STXBP5L: variants seen among roughly 807,000 people sequenced by gnomAD.
The protein encoded by STXBP5L is syntaxin binding protein 5L.
Under a neutral mutation model 144.5 loss-of-function variants are expected in STXBP5L, and 65 were observed. That is an observed-to-expected ratio of 0.45 (90% CI 0.37 to 0.55). STXBP5L has a LOEUF of 0.55. Among genes scored for constraint, STXBP5L ranks in the 20% least tolerant of loss-of-function variants. The probability of loss-of-function intolerance (pLI) is 0.00; values close to 1 mark genes in which losing one functional copy is unlikely to be tolerated. For synonymous variants in STXBP5L, 505 were observed against 469.6 expected (o/e 1.08, Z -0.97); for missense variants, 1,298 against 1,405.5 (o/e 0.92, Z 1.22).
intron 9 of STXBP5L, among the ~76,000 whole-genome samples, chr3:121,192,061 A>G (rs985286415): frequency 1.3e-5 from 2 of 152,196 alleles, no homozygotes; most frequent in African/African-American, 2.4e-5. Flanking sequence ...AAACCTGCAC[A>G]TTGTGCACAT....
At chr3:121,078,650 A>AGCTGCAGGTTCTGAGCCCTGCCCC (rs1234486933) in intron 5 of STXBP5L, among the ~76,000 whole-genome samples, 22 of 152,218 alleles carry the variant, frequency 1.4e-4, no homozygotes, top group African/African-American at 4.1e-4. Context: ...AGGCATGGCC[A>AGCTGCAGGTTCTGAGCCCTGCCCC]GCTGCAGGTT....
chr3:120,969,045 G>A (rs1576518880), intron 3 of STXBP5L, among the ~76,000 whole-genome samples: 1 of 151,978 alleles, frequency 6.6e-6, no homozygotes, highest in South Asian at 2.1e-4. Flanking sequence ...ATTTTCCTTT[G>A]GGTAGATACT....
chr3:121,302,708 AC>A (rs776804283), intron 19 of STXBP5L, among the ~76,000 whole-genome samples: 3 of 152,110 alleles, frequency 2.0e-5, no homozygotes, highest in Non-Finnish European at 4.4e-5. Context: ...ACAGAACAGA[AC>A]CCTCAAAAAT....
At chr3:121,011,383 T>G (rs901132120) in intron 3 of STXBP5L, among the ~76,000 whole-genome samples, 3 of 151,624 alleles carry the variant, frequency 2.0e-5, no homozygotes, top group East Asian at 1.9e-4. Flanking sequence ...CTGCAACCCT[T>G]TATTTTTATA....
chr3:120,966,091 G>C (rs1312517081), intron 3 of STXBP5L, among the ~76,000 whole-genome samples: 4 of 152,068 alleles, frequency 2.6e-5, no homozygotes, highest in African/African-American at 9.7e-5. Flanking sequence ...GCTTGTGCAT[G>C]CGTCACAAAG....
chr3:121,141,296 G>A lies in STXBP5L; in HGVS notation c.670-11181G>A, dbSNP rs538518727. ...CACATGCCTGTAATCCCAGCGATTC[G>A]GGAGGCTGAGGCAGGAGAATCACTT... is the stretch of plus-strand genomic sequence containing the variant. On this transcript the variant is annotated intron_variant, in intron 7 of 26. Transcript: ENST00000471454. Among the ~76,000 whole-genome samples the A allele has an allele frequency of 5.9e-5, 9 of 152,138 alleles. No homozygotes were observed. The South Asian group carries it at 6.2e-4, about 11-fold the overall frequency.
intron 10 of STXBP5L, among the ~76,000 whole-genome samples, chr3:121,214,282 T>C (rs1447178266): frequency 6.6e-6 from 1 of 152,210 alleles, no homozygotes; most frequent in African/African-American, 2.4e-5. Flanking sequence ...CTTCTCTAGT[T>C]CTTTTAACTG....
chr3:121,384,780 A>G (rs1175003209), intron 22 of STXBP5L, among the ~76,000 whole-genome samples: 4 of 152,074 alleles, frequency 2.6e-5, no homozygotes, highest in Non-Finnish European at 5.9e-5. Flanking sequence ...AAATCAAAAT[A>G]TAAAGGAAAA....
At chr3:121,039,582 T>G (rs888254019) in intron 3 of STXBP5L, among the ~76,000 whole-genome samples, 5 of 151,968 alleles carry the variant, frequency 3.3e-5, no homozygotes, top group Non-Finnish European at 5.9e-5. Flanking sequence ...ATCATTTCCC[T>G]TTTGCCTGAA....
chr3:120,910,943 G>C (rs1452462875), intron 2 of STXBP5L, among the ~76,000 whole-genome samples: 1 of 152,042 alleles, frequency 6.6e-6, no homozygotes, highest in Non-Finnish European at 1.5e-5. Flanking sequence ...CAGATATTCT[G>C]TTCGATGAGG....
intron 5 of STXBP5L, among the ~76,000 whole-genome samples, chr3:121,083,661 T>G (rs2042352780): frequency 8.3e-6 from 1 of 121,044 alleles, no homozygotes; most frequent in Non-Finnish European, 1.8e-5. Context: ...ACACTCTGTC[T>G]CAAGAAAAAA....
intron 20 of STXBP5L, among the ~76,000 whole-genome samples, chr3:121,364,333 C>A (rs1045251509): frequency 6.6e-6 from 1 of 151,984 alleles, no homozygotes; most frequent in African/African-American, 2.4e-5. Context: ...TATAACAGTA[C>A]CAAAATGTCT....
intron 20 of STXBP5L, among the ~76,000 whole-genome samples, chr3:121,366,928 TG>T (rs2045880497): frequency 6.6e-6 from 1 of 152,164 alleles, no homozygotes; most frequent in Admixed American, 6.5e-5. Flanking sequence ...GCTAATTTTA[TG>T]GTTACCATTT....
chr3:121,131,004 AAAT>A (rs1405589057), intron 7 of STXBP5L, among the ~76,000 whole-genome samples: 1 of 152,128 alleles, frequency 6.6e-6, no homozygotes, highest in East Asian at 1.9e-4. Flanking sequence ...ACGATTAAGA[AAAT>A]AAAGCAAAAG....
chr3:121,352,862 AT>A (rs1442225091), intron 20 of STXBP5L, among the ~76,000 whole-genome samples: 1 of 152,104 alleles, frequency 6.6e-6, no homozygotes, highest in Non-Finnish European at 1.5e-5. Flanking sequence ...TTCCATCAAT[AT>A]CTAGTTTATT....
intron 15 of STXBP5L, among the ~76,000 whole-genome samples, chr3:121,251,657 G>A (rs2050028595): frequency 6.6e-6 from 1 of 152,092 alleles, no homozygotes; most frequent in Non-Finnish European, 1.5e-5. Flanking sequence ...AAAATATCCA[G>A]CAGGTAAGGA....
chr3:121,367,595 GTTTTTTTT>G (rs57288480), intron 20 of STXBP5L, among the ~76,000 whole-genome samples: 9 of 51,360 alleles, frequency 1.8e-4, no homozygotes, highest in South Asian at 9.1e-4. Context: ...TTCGACTCTT[GTTTTTTTT>G]TTTTTTTTTT....
chr3:121,004,510 A>T (rs1944092459), intron 3 of STXBP5L, among the ~76,000 whole-genome samples: 1 of 151,624 alleles, frequency 6.6e-6, no homozygotes, highest in Admixed American at 6.6e-5. Flanking sequence ...GGACAATTTG[A>T]CTTCCTCTTT....
At position 121,367,985 on chromosome 3, in the gene STXBP5L, T is replaced by C. The variant is rs376088011; in HGVS notation, c.2177-10731T>C. ...TTGAGTTTATCTTCCTTGGAATTCATTGAGCTTCTTGGTTGTTTATATTCA... is the reference window on the plus strand; with the variant it reads ...TTGAGTTTATCTTCCTTGGAATTCACTGAGCTTCTTGGTTGTTTATATTCA... On this transcript the variant is annotated intron_variant, in intron 20 of 26. Transcript: ENST00000471454. 1.0e-3 allele frequency among the ~76,000 whole-genome samples: 156 copies of C among 152,122 alleles called. 1 individual carries two copies. The South Asian group carries it at 0.012, about 11-fold the overall frequency.
Sources: gnomAD v4.1 joint callset for allele counts (sites outside exome capture counted in the v4.1 genomes callset) on GRCh38, gnomAD v4.1.1 for gene constraint, MANE v1.5 for transcripts, NCBI Gene and HGNC (gene_info 2026-07-23, HGNC 2026-07-21) for gene names.